EHMT1: variants seen among roughly 807,000 people sequenced by gnomAD.
The protein encoded by EHMT1 is histone-lysine N-methyltransferase EHMT1.
EHMT1 carries 15 observed loss-of-function variants against 147.2 expected under a neutral mutation model. The ratio of observed to expected loss-of-function variants is 0.10; its 90% CI spans 0.07 to 0.16. EHMT1 has a LOEUF of 0.16. Among genes scored for constraint, EHMT1 ranks in the 10% least tolerant of loss-of-function variants. EHMT1 has a pLI of 1.00. For missense variants in EHMT1, 1,587 were observed against 1,772.4 expected (o/e 0.90, Z 1.88); for synonymous variants, 795 against 709.6 (o/e 1.12, Z -1.91).
chr9:137,629,349 C>T (rs1427476039), intron 1 of EHMT1, among the ~76,000 whole-genome samples: 1 of 151,436 alleles, frequency 6.6e-6, no homozygotes, highest in African/African-American at 2.4e-5. Flanking sequence ...GCCTCGGCCT[C>T]CCAAAGTGTT....
chr9:137,630,252 T>C (rs929855825), intron 1 of EHMT1, among the ~76,000 whole-genome samples: 6 of 152,254 alleles, frequency 3.9e-5, no homozygotes, highest in African/African-American at 9.6e-5. Flanking sequence ...GTTTTGAGAT[T>C]GATCCCTGAT....
intron 1 of EHMT1, among the ~76,000 whole-genome samples, chr9:137,632,265 G>T (rs1043016421): frequency 6.6e-6 from 1 of 152,210 alleles, no homozygotes; most frequent in South Asian, 2.1e-4. Flanking sequence ...TCTGCCCTGG[G>T]CTAGGATGGT....
intron 18 of EHMT1, among the ~76,000 whole-genome samples, chr9:137,807,515 T>G (rs1954052949): frequency 6.6e-6 from 1 of 151,904 alleles, no homozygotes; most frequent in African/African-American, 2.4e-5. Context: ...ATTTATTTAT[T>G]TGTTTATTTT....
At chr9:137,760,881 G>A (rs543752230) in intron 9 of EHMT1, among the ~76,000 whole-genome samples, 13 of 152,196 alleles carry the variant, frequency 8.5e-5, no homozygotes, top group East Asian at 5.8e-4. Context: ...GGTGGCGGGC[G>A]CCTGTAGTCC....
At chr9:137,726,589 C>T (rs147474820) in intron 3 of EHMT1, among the ~76,000 whole-genome samples, 1 of 152,088 alleles carries the variant, frequency 6.6e-6, no homozygotes, top group Non-Finnish European at 1.5e-5. Flanking sequence ...CGTGGGTGTA[C>T]AAGCATCTCT....
intron 25 of EHMT1, 107 bp downstream of exon 25, chr9:137,818,245 C>T (rs369982066): frequency 2.4e-6 from 3 of 1,265,306 alleles, no homozygotes; most frequent in East Asian, 2.3e-5. Flanking sequence ...TTACTGTTGA[C>T]AAGAGTGGGC....
intron 4 of EHMT1, among the ~76,000 whole-genome samples, chr9:137,734,841 A>G (rs1947401307): frequency 6.6e-6 from 1 of 152,248 alleles, no homozygotes; most frequent in Non-Finnish European, 1.5e-5. Flanking sequence ...ATCCATATCC[A>G]TGGAAACTGT....
intron 10 of EHMT1, among the ~76,000 whole-genome samples, chr9:137,773,088 A>G (rs1052926025): frequency 1.3e-5 from 2 of 152,230 alleles, no homozygotes; most frequent in East Asian, 1.9e-4. Flanking sequence ...TCCAGATACT[A>G]CATACATGCA....
chr9:137,805,589 C>A (rs1477418282), intron 18 of EHMT1, among the ~76,000 whole-genome samples: 1 of 152,100 alleles, frequency 6.6e-6, no homozygotes, highest in Non-Finnish European at 1.5e-5. Context: ...TACTGCTATT[C>A]TCCTATATTT....
intron 1 of EHMT1, among the ~76,000 whole-genome samples, chr9:137,621,934 C>T (rs571463615): frequency 6.6e-6 from 1 of 151,414 alleles, no homozygotes; most frequent in Non-Finnish European, 1.5e-5. Context: ...TTCTCATCTC[C>T]TGTCTTTCTT....
At chr9:137,705,068 ACCTTGAACCAG>A (rs1281430672) in intron 1 of EHMT1, among the ~76,000 whole-genome samples, 2 of 151,522 alleles carry the variant, frequency 1.3e-5, no homozygotes, top group Non-Finnish European at 2.9e-5. Flanking sequence ...TTTCAAGGAA[ACCTTGAACCAG>A]CCTTGGTTCA....
intron 1 of EHMT1, among the ~76,000 whole-genome samples, chr9:137,628,655 C>G (rs537912195): frequency 1.3e-5 from 2 of 152,316 alleles, no homozygotes; most frequent in African/African-American, 4.8e-5. Context: ...ATGAAAAGGG[C>G]TGCCTGTCTT....
intron 1 of EHMT1, among the ~76,000 whole-genome samples, chr9:137,623,799 A>G (rs970624287): frequency 2.6e-5 from 4 of 152,064 alleles, no homozygotes; most frequent in Admixed American, 1.3e-4. Flanking sequence ...CATAGCTCCA[A>G]TATCTTTCAG....
At chr9:137,671,555 C>G (rs1025901721) in intron 1 of EHMT1, among the ~76,000 whole-genome samples, 2 of 113,696 alleles carry the variant, frequency 1.8e-5, no homozygotes, top group Non-Finnish European at 3.4e-5. Flanking sequence ...GACAGAGTTT[C>G]GCTCTGTCTT....
At chr9:137,740,121 A>C (rs1167173795) in intron 4 of EHMT1, among the ~76,000 whole-genome samples, 1 of 151,162 alleles carries the variant, frequency 6.6e-6, no homozygotes, top group Non-Finnish European at 1.5e-5. Context: ...TTCCTTGTCC[A>C]CACCTCTTCT....
At chr9:137,739,850 C>G (rs1947897726) in intron 4 of EHMT1, among the ~76,000 whole-genome samples, 1 of 152,190 alleles carries the variant, frequency 6.6e-6, no homozygotes, top group Admixed American at 6.5e-5. Context: ...CCTGGGGTCT[C>G]TGTGTGGACT....
intron 13 of EHMT1, among the ~76,000 whole-genome samples, chr9:137,778,857 A>G (rs1365743903): frequency 6.6e-6 from 1 of 152,236 alleles, no homozygotes; most frequent in Non-Finnish European, 1.5e-5. Context: ...TGGTGCTGGC[A>G]TCTGCTCCTT....
At chr9:137,711,084 A>ATC (rs1196917745) in intron 2 of EHMT1, 54 bp downstream of exon 2, 1 of 1,526,258 alleles carries the variant, frequency 6.6e-7, no homozygotes, top group East Asian at 2.4e-5. Flanking sequence ...CAGACTAGAA[A>ATC]ACCTGCTGCT....
rs1948327899 is a variant in EHMT1, at chr9:137,743,922, C to T, written c.1002C>T (p.Ala334=). The T allele has an allele frequency of 6.2e-7, 1 of 1,612,998 alleles. No individual in the cohort carries two copies. Among genetic ancestry groups the T allele is most frequent in the Admixed American group, 1.7e-5 (1 of 59,952 alleles). ...TCTAGGGGGAGAAGGACCTGGGCGCCAGCAGCCTGCACGTGAATGGGGAGA... is the reference window on the plus strand; with the variant it reads ...TCTAGGGGGAGAAGGACCTGGGCGCTAGCAGCCTGCACGTGAATGGGGAGA... ...VGSKGEKDLG[A]SSLHVNGESL... The change falls in exon 6 of 27, where the codon GCC becomes GCT. Residue 334 remains alanine, a synonymous_variant. Transcript: ENST00000460843.
Sources: gnomAD v4.1 joint callset for allele counts (sites outside exome capture counted in the v4.1 genomes callset) on GRCh38, gnomAD v4.1.1 for gene constraint, MANE v1.5 for transcripts, NCBI Gene and HGNC (gene_info 2026-07-23, HGNC 2026-07-21) for gene names.